The following PUM1 variants were observed in gnomAD, a reference collection of about 807,000 sequenced individuals.
The protein encoded by PUM1 is pumilio homolog 1.
PUM1 carries 13 observed loss-of-function variants against 131.8 expected under a neutral mutation model. The ratio of observed to expected loss-of-function variants is 0.10; its 90% confidence interval spans 0.06 to 0.16. PUM1 has a LOEUF of 0.16. Among genes scored for constraint, PUM1 ranks in the 10% least tolerant of loss-of-function variants. The probability of loss-of-function intolerance (pLI) is 1.00; values close to 1 mark genes in which losing one functional copy is unlikely to be tolerated. For missense variants in PUM1, 961 were observed against 1,512.4 expected (o/e 0.64, Z 6.05); for synonymous variants, 509 against 556.5 (o/e 0.91, Z 1.20).
At chr1:31,044,110 A>C (rs1269923336) in intron 2 of PUM1, among the ~76,000 whole-genome samples, 4 of 152,204 alleles carry the variant, frequency 2.6e-5, no homozygotes, top group Non-Finnish European at 5.9e-5. Context: ...TTATACAAAA[A>C]TAAAAAGAAG....
intron 9 of PUM1, among the ~76,000 whole-genome samples, chr1:30,978,222 C>T (rs1485240149): frequency 6.6e-6 from 1 of 152,118 alleles, no homozygotes; most frequent in Non-Finnish European, 1.5e-5. Flanking sequence ...GAACTCCAGC[C>T]TGGGCGAGAG....
At chr1:31,037,499 AC>A (rs921951031) in intron 2 of PUM1, among the ~76,000 whole-genome samples, 1 of 152,128 alleles carries the variant, frequency 6.6e-6, no homozygotes, top group African/African-American at 2.4e-5. Context: ...CGGGCGGATC[AC>A]TTGAGGTCAG....
intron 18 of PUM1, 43 bp from the exon 19 acceptor site, chr1:30,942,166 A>T (rs1639461100): frequency 7.3e-7 from 1 of 1,374,022 alleles, no homozygotes; most frequent in Non-Finnish European, 9.7e-7. Flanking sequence ...AATGACAGTC[A>T]CCACCTTCAA....
chr1:30,945,490 G>A lies in PUM1; in HGVS notation c.2857-7C>T, dbSNP rs1315378893. On this transcript the variant is annotated splice_region_variant and splice_polypyrimidine_tract_variant and intron_variant, in intron 17 of 21. Coordinates refer to ENST00000426105, the MANE Select transcript of PUM1 (RefSeq NM_001020658.2). ...GTTCCCGAACCATCTCATTCTAATGGAGACAAAGAAAGCACCACCAGAATC... is the reference window on the plus strand; with the variant it reads ...GTTCCCGAACCATCTCATTCTAATGAAGACAAAGAAAGCACCACCAGAATC... 6.2e-7 allele frequency: 1 copy of A among 1,613,716 alleles called. No individual in the cohort carries two copies. Among genetic ancestry groups the A allele is most frequent in the East Asian group, 2.2e-5 (1 of 44,886 alleles).
At chr1:31,018,485 C>T (rs1293532234) in intron 3 of PUM1, among the ~76,000 whole-genome samples, 3 of 151,988 alleles carry the variant, frequency 2.0e-5, no homozygotes, top group African/African-American at 4.8e-5. Context: ...GGTGAAACCC[C>T]GTCTCTACTA....
intron 2 of PUM1, among the ~76,000 whole-genome samples, chr1:31,033,213 C>CT (rs573799816): frequency 6.6e-4 from 95 of 144,786 alleles, no homozygotes; most frequent in South Asian, 2.0e-3. Context: ...CTGATTTTTC[C>CT]TTTTTTTTTT....
intron 21 of PUM1, among the ~76,000 whole-genome samples, chr1:30,934,616 G>A (rs758217664): frequency 3.9e-5 from 6 of 152,162 alleles, no homozygotes; most frequent in South Asian, 2.1e-4. Context: ...GTAAAACGGC[G>A]TATGCAATAA....
At chr1:31,002,611 C>A (rs1237854304) in intron 5 of PUM1, among the ~76,000 whole-genome samples, 2 of 152,048 alleles carry the variant, frequency 1.3e-5, no homozygotes, top group Middle Eastern at 3.2e-3. Flanking sequence ...CCACCCTGAA[C>A]CATGGGGGGC....
At chr1:30,949,011 T>G (rs1461045725) in intron 17 of PUM1, 2 of 444,680 alleles carry the variant, frequency 4.5e-6, no homozygotes, top group South Asian at 3.2e-5. Flanking sequence ...CTTTGAAACT[T>G]ATCACTTTAA....
rs1381003580 is a variant in PUM1, at chr1:31,059,209, G to T, written c.358C>A (p.His120Asn). 3 of 1,566,830 alleles carry T rather than the reference G, an allele frequency of 1.9e-6. No homozygotes were observed. The highest frequency in any genetic ancestry group is 2.6e-6 in the Non-Finnish European group (3 of 1,155,900). ...AATAGTGAACTTTTTTTTACCTGAT[G>T]TTCTGCATGAATGTTATCCCCAGTA... The part of the protein sequence containing the change: ...WPTGDNIHAE[H>N]QVRSMDELNH... The change falls in exon 2 of 22, where the codon CAT becomes AAT. Residue 120 changes from histidine to asparagine, a missense_variant. His to Asn is a moderately conservative substitution (Grantham distance 68). Around this residue, in one of 4 missense-constraint regions of PUM1, gnomAD observed 654 missense variants for 923.9 expected, o/e 0.71. Coordinates refer to ENST00000426105, the MANE Select transcript of PUM1 (RefSeq NM_001020658.2).
intron 9 of PUM1, among the ~76,000 whole-genome samples, chr1:30,975,400 G>A (rs1474159484): frequency 1.3e-5 from 2 of 151,654 alleles, no homozygotes; most frequent in African/African-American, 4.9e-5. Flanking sequence ...ACCCAGGCTG[G>A]AATGCAATGA....
intron 2 of PUM1, 51 bp downstream of exon 2, chr1:31,059,153 G>A (rs370739639): frequency 6.6e-7 from 1 of 1,513,478 alleles, no homozygotes; most frequent in Non-Finnish European, 8.9e-7. Flanking sequence ...ATCCTAAGTG[G>A]ACAGTGATTA....
At chr1:31,002,673 AAAGAAAAAT>A (rs1221086738) in intron 5 of PUM1, among the ~76,000 whole-genome samples, 1 of 152,230 alleles carries the variant, frequency 6.6e-6, no homozygotes, top group Non-Finnish European at 1.5e-5. Flanking sequence ...ATACAAAAGA[AAAGAAAAAT>A]AAAAGACTTG....
intron 3 of PUM1, among the ~76,000 whole-genome samples, chr1:31,009,082 C>G (rs1642499586): frequency 6.6e-6 from 1 of 151,252 alleles, no homozygotes; most frequent in African/African-American, 2.4e-5. Context: ...CCTCAGGAGG[C>G]TGCGGCAGGA....
At chr1:30,998,016 G>C (rs945385344) in intron 5 of PUM1, among the ~76,000 whole-genome samples, 2 of 152,142 alleles carry the variant, frequency 1.3e-5, no homozygotes, top group African/African-American at 2.4e-5. Context: ...AAAATACCGG[G>C]TTTTCTACTC....
intron 10 of PUM1, among the ~76,000 whole-genome samples, chr1:30,969,331 A>AAAAAAG (rs1557560958): frequency 6.8e-6 from 1 of 148,044 alleles, no homozygotes; most frequent in Admixed American, 6.9e-5. Context: ...AAAAAAAAAA[A>AAAAAAG]AAAAAGAAAA....
chr1:31,009,218 T>C (rs1363945956), intron 3 of PUM1, among the ~76,000 whole-genome samples: 1 of 151,440 alleles, frequency 6.6e-6, no homozygotes, highest in Non-Finnish European at 1.5e-5. Context: ...AGATTACAAA[T>C]AAAATTTCTT....
Position 31,059,189 on chromosome 1 carries a change from T to C in PUM1, c.363+15A>G, listed in dbSNP as rs758051453. ...TAAAGGAATGTCAAAGCTAAAATAG[T>C]GAACTTTTTTTTACCTGATGTTCTG... On this transcript the variant is annotated intron_variant, in intron 2 of 21. Transcript: ENST00000426105. 2 of 1,541,662 alleles carry C rather than the reference T, an allele frequency of 1.3e-6. No homozygotes were observed. The highest frequency in any genetic ancestry group is 1.7e-6 in the Non-Finnish European group (2 of 1,143,692).
chr1:31,065,485 G>T, intron 1 of PUM1, 131 bp downstream of exon 1: 1 of 1,097,968 alleles, frequency 9.1e-7, no homozygotes, highest in Non-Finnish European at 1.2e-6. Flanking sequence ...AGAAGCCTCA[G>T]CCAGGGCCCC....
Sources: gnomAD v4.1 joint callset for allele counts (sites outside exome capture counted in the v4.1 genomes callset) on GRCh38, gnomAD v4.1.1 for gene constraint, gnomAD v4.1.1 regional missense constraint, MANE v1.5 for transcripts, NCBI Gene and HGNC (gene_info 2026-07-23, HGNC 2026-07-21) for gene names.